The following TNFRSF19 variants were observed in gnomAD, a reference collection of about 807,000 sequenced individuals.
The protein encoded by TNFRSF19 is tumor necrosis factor receptor superfamily member 19.
In TNFRSF19, 27 loss-of-function variants were observed where a neutral mutation model predicts 46.4. The observed-to-expected ratio is 0.58, with a 90% CI of 0.43 to 0.80. The LOEUF is 0.80. TNFRSF19 is among the 30% of genes least tolerant of loss of function. TNFRSF19 has a pLI of 0.00. For missense variants in TNFRSF19, 511 were observed against 530.8 expected, an observed-to-expected ratio of 0.96 and a Z score of 0.37; for synonymous variants, 204 against 205.0, an observed-to-expected ratio of 1.00 and a Z score of 0.04.
In TNFRSF19 at chr13:23,609,307, C is replaced by T. The variant is rs143885800; in HGVS notation, c.181-6560C>T. On this transcript the variant is annotated intron_variant, in intron 3 of 9. Coordinates refer to ENST00000248484, the MANE Select transcript of TNFRSF19 (RefSeq NM_148957.4). The stretch of plus-strand genomic sequence containing the variant: ...TGTTCTGGGCGCCCCATAAGTAGTA[C>T]CTGCTGGGCATTCTGAACCATAAAT... 5.0e-3 allele frequency among the ~76,000 whole-genome samples: 755 copies of T among 152,264 alleles called. 5 individuals carry two copies. The highest frequency in any genetic ancestry group is 7.8e-3 in the Non-Finnish European group (533 of 68,018).
intron 2 of TNFRSF19, 94 bp downstream of exon 2, chr13:23,590,346 T>A: frequency 2.6e-6 from 2 of 779,354 alleles, no homozygotes; most frequent in South Asian, 2.0e-5. Context: ...TATTTTTTAT[T>A]TTTTTTGAGA....
chr13:23,669,735 C>A, intron 9 of TNFRSF19: 2 of 984,086 alleles, frequency 2.0e-6, no homozygotes, highest in Non-Finnish European at 2.4e-6. Context: ...CTGCGTGCTG[C>A]AAAGCTGGAG....
intron 5 of TNFRSF19, among the ~76,000 whole-genome samples, chr13:23,643,655 C>T (rs1006180508): frequency 6.6e-6 from 1 of 152,192 alleles, no homozygotes; most frequent in East Asian, 1.9e-4. Flanking sequence ...GGCAATAAAA[C>T]AATGATGGGC....
intron 3 of TNFRSF19, among the ~76,000 whole-genome samples, chr13:23,602,917 G>A (rs2138215806): frequency 6.6e-6 from 1 of 152,078 alleles, no homozygotes; most frequent in Middle Eastern, 3.4e-3. Flanking sequence ...CAAAATTGGT[G>A]ATCTAAGCTT....
At chr13:23,617,127 A>G (rs1593259345) in intron 4 of TNFRSF19, among the ~76,000 whole-genome samples, 1 of 152,156 alleles carries the variant, frequency 6.6e-6, no homozygotes, top group African/African-American at 2.4e-5. Context: ...GGTGGGGAAG[A>G]GCACCGCAGA....
intron 3 of TNFRSF19, among the ~76,000 whole-genome samples, chr13:23,599,050 GT>G (rs939613616): frequency 6.6e-6 from 1 of 152,178 alleles, no homozygotes; most frequent in African/African-American, 2.4e-5. Context: ...TCTGGCTTTT[GT>G]GTTAAATGAG....
chr13:23,632,325 T>C (rs55789949), intron 5 of TNFRSF19, among the ~76,000 whole-genome samples: 38,211 of 152,016 alleles, frequency 0.25, 5,039 homozygotes, highest in East Asian at 0.3. Flanking sequence ...AGAGAAGGGG[T>C]GGCTTCTTAT....
At position 23,635,296 on chromosome 13, in the gene TNFRSF19, A is replaced by G. The variant is rs1273948485; in HGVS notation, c.445+8504A>G. The stretch of plus-strand genomic sequence containing the variant: ...AAGAATCTCAAAGGTTGAAAAGGGC[A>G]TTAGAAAGTTAAAAATGGAAGCTTG... On this transcript the variant is annotated intron_variant, in intron 5 of 9. Coordinates refer to ENST00000248484, the MANE Select transcript of TNFRSF19 (RefSeq NM_148957.4). Among the ~76,000 whole-genome samples the G allele has an allele frequency of 2.6e-5, 4 of 152,234 alleles. No homozygotes were observed. The South Asian group carries it at 8.3e-4, about 32-fold the overall frequency.
At position 23,668,042 on chromosome 13, in the gene TNFRSF19, C is replaced by G; in HGVS notation, c.799C>G (p.Leu267Val). 6.2e-7 allele frequency: 1 copy of G among 1,610,330 alleles called. No individual in the cohort carries two copies. The highest frequency in any genetic ancestry group is 8.5e-7 in the Non-Finnish European group (1 of 1,178,560). The change falls in exon 8 of 10, where the codon CTT (leucine) becomes GTT (valine). Residue 267 changes from leucine (L) to valine (V), a missense_variant. By Grantham distance (32) the Leu-to-Val change is conservative. Transcript: ENST00000248484. ...GGCCTGCAGCCCCAACCCGGCGACT[C>G]TTGGTTGTGGGGTGCATTCTGCAGC... is the stretch of plus-strand genomic sequence containing the variant. ...EEACSPNPAT[L>V]GCGVHSAASL...
At chr13:23,639,959 C>A (rs574199742) in intron 5 of TNFRSF19, among the ~76,000 whole-genome samples, 30 of 152,322 alleles carry the variant, frequency 2.0e-4, no homozygotes, top group African/African-American at 6.5e-4. Context: ...AAACAAAACT[C>A]TGCTGACATG....
intron 7 of TNFRSF19, among the ~76,000 whole-genome samples, chr13:23,666,831 A>G (rs1482159497): frequency 1.3e-5 from 2 of 152,200 alleles, no homozygotes; most frequent in Non-Finnish European, 1.5e-5. Flanking sequence ...CAGGCAGGCC[A>G]GTCATCCTGT....
chr13:23,590,008 T>C, intron 1 of TNFRSF19, 142 bp from the exon 2 acceptor site: 2 of 391,994 alleles, frequency 5.1e-6, no homozygotes, highest in Non-Finnish European at 9.3e-6. Context: ...TTGTCTTTTT[T>C]CTTTTTTAAA....
At chr13:23,671,085 GATTGATAAGCACTGTCATC>G (rs930681635) in intron 9 of TNFRSF19, among the ~76,000 whole-genome samples, 20 of 152,120 alleles carry the variant, frequency 1.3e-4, no homozygotes, top group African/African-American at 4.8e-4. Flanking sequence ...GCGGGGACAG[GATTGATAAGCACTGTCATC>G]ACAGCTGTAT....
chr13:23,655,752 T>C (rs976992952), intron 5 of TNFRSF19, among the ~76,000 whole-genome samples: 3 of 149,168 alleles, frequency 2.0e-5, no homozygotes, highest in African/African-American at 7.5e-5. Context: ...CCCCCCCTTA[T>C]TTTTGGTTTT....
chr13:23,651,892 C>CCA (rs1883669998), intron 5 of TNFRSF19, among the ~76,000 whole-genome samples: 2 of 4,954 alleles, frequency 4.0e-4, no homozygotes, highest in Non-Finnish European at 8.8e-4. Context: ...ACATAACATG[C>CCA]TAAAAAAAAA....
intron 7 of TNFRSF19, among the ~76,000 whole-genome samples, chr13:23,661,178 T>C (rs1884342833): frequency 6.6e-6 from 1 of 152,234 alleles, no homozygotes. Flanking sequence ...CTTTTTCTGC[T>C]CCTCTCCCTC....
intron 5 of TNFRSF19, among the ~76,000 whole-genome samples, chr13:23,627,436 G>A (rs1882081150): frequency 6.6e-6 from 1 of 151,928 alleles, no homozygotes; most frequent in Non-Finnish European, 1.5e-5. Flanking sequence ...AAAGGTATTT[G>A]TTTCAAGTTA....
chr13:23,660,005 C>T (rs573617908), intron 6 of TNFRSF19, among the ~76,000 whole-genome samples: 30 of 152,136 alleles, frequency 2.0e-4, no homozygotes, highest in Non-Finnish European at 3.1e-4. Flanking sequence ...GGTGTCTCAG[C>T]GTGGCAGAGG....
At chr13:23,631,152 G>A (rs925291349) in intron 5 of TNFRSF19, among the ~76,000 whole-genome samples, 1 of 151,964 alleles carries the variant, frequency 6.6e-6, no homozygotes, top group African/African-American at 2.4e-5. Context: ...ACAAATAAAG[G>A]CAATTTCAAA....
Sources: gnomAD v4.1 joint callset for allele counts (sites outside exome capture counted in the v4.1 genomes callset) on GRCh38, gnomAD v4.1.1 for gene constraint, MANE v1.5 for transcripts, NCBI Gene and HGNC (gene_info 2026-07-23, HGNC 2026-07-21) for gene names.